The following STK3 variants were observed in gnomAD, a reference collection of about 807,000 sequenced individuals.
STK3 encodes serine/threonine kinase 3.
A neutral mutation model predicts 58.0 loss-of-function variants in STK3; 41 were observed. That is an observed-to-expected ratio of 0.71 (90% CI 0.55 to 0.92). The LOEUF (loss-of-function observed/expected upper bound fraction) is 0.92, where lower values mean the gene tolerates loss of function less well. STK3 is among the 40% of genes least tolerant of loss of function. The pLI is 0.00. For synonymous variants in STK3, 170 were observed against 191.0 expected, an observed-to-expected ratio of 0.89 and a Z score of 0.91; for missense variants, 479 against 602.7, an observed-to-expected ratio of 0.79 and a Z score of 2.15.
At chr8:98,443,719 G>A (rs376117653) in intron 1 of STK3, among the ~76,000 whole-genome samples, 23 of 152,210 alleles carry the variant, frequency 1.5e-4, no homozygotes, top group Middle Eastern at 3.4e-3. Context: ...ATGGTGGCAC[G>A]TGCCTGTAAT....
chr8:98,479,848 C>T (rs1172858772), intron 10 of STK3, among the ~76,000 whole-genome samples: 2 of 152,098 alleles, frequency 1.3e-5, no homozygotes, highest in East Asian at 1.9e-4. Context: ...AGAAGACATG[C>T]TCATTATGGA....
At chr8:98,887,851 C>G (rs1002350565) in intron 1 of STK3, among the ~76,000 whole-genome samples, 2 of 152,200 alleles carry the variant, frequency 1.3e-5, no homozygotes, top group African/African-American at 4.8e-5. Context: ...TACCACAAAG[C>G]CAAGCAGCTA....
intron 3 of STK3, among the ~76,000 whole-genome samples, chr8:98,415,966 A>G (rs1320834932): frequency 6.6e-6 from 1 of 152,004 alleles, no homozygotes. Flanking sequence ...GGTCCCAGAG[A>G]CTCTAGGGCA....
chr8:98,596,952 T>C (rs1216727260), intron 6 of STK3, among the ~76,000 whole-genome samples: 1 of 152,074 alleles, frequency 6.6e-6, no homozygotes. Flanking sequence ...GGGGTTAATG[T>C]AGATGTCCCA....
At chr8:98,794,875 C>T (rs1001217549) in intron 1 of STK3, among the ~76,000 whole-genome samples, 1 of 151,416 alleles carries the variant, frequency 6.6e-6, no homozygotes, top group African/African-American at 2.4e-5. Flanking sequence ...CGAGACCAGC[C>T]TGACCAACAT....
upstream of STK3, among the ~76,000 whole-genome samples, chr8:98,829,641 T>A (rs1835453041): frequency 6.6e-6 from 1 of 152,228 alleles, no homozygotes; most frequent in African/African-American, 2.4e-5. Context: ...TACCCTAGGA[T>A]AAACAGAATG....
At chr8:98,819,325 G>T (rs1036077056) in intron 1 of STK3, among the ~76,000 whole-genome samples, 5 of 151,966 alleles carry the variant, frequency 3.3e-5, no homozygotes, top group African/African-American at 1.2e-4. Context: ...AGTAATATAT[G>T]ATGGCCTGAA....
At chr8:98,442,336 T>C (rs1818729212) in intron 1 of STK3, among the ~76,000 whole-genome samples, 2 of 152,290 alleles carry the variant, frequency 1.3e-5, no homozygotes, top group East Asian at 1.9e-4. Context: ...TACAGGTCTA[T>C]GTCTGGTCGA....
intron 10 of STK3, among the ~76,000 whole-genome samples, chr8:98,514,754 A>C (rs934860821): frequency 1.3e-5 from 2 of 152,040 alleles, no homozygotes; most frequent in African/African-American, 2.4e-5. Context: ...TTGATCTCAT[A>C]TACTTTTTTC....
At chr8:98,675,039 C>G (rs549651296) in intron 6 of STK3, among the ~76,000 whole-genome samples, 3 of 152,228 alleles carry the variant, frequency 2.0e-5, no homozygotes, top group Admixed American at 2.0e-4. Flanking sequence ...TGCATGTAGC[C>G]TTCACTGTTT....
At chr8:98,655,426 C>G (rs867723486) in intron 6 of STK3, among the ~76,000 whole-genome samples, 7 of 152,280 alleles carry the variant, frequency 4.6e-5, no homozygotes, top group African/African-American at 1.4e-4. Context: ...TAGGCATGGG[C>G]AAGGACTTCA....
intron 3 of STK3, among the ~76,000 whole-genome samples, chr8:98,750,177 G>T (rs1829883991): frequency 6.6e-6 from 1 of 152,108 alleles, no homozygotes; most frequent in Non-Finnish European, 1.5e-5. Flanking sequence ...AATAACATTG[G>T]AATCATCCAA....
At chr8:98,638,936 A>T (rs1342669043) in intron 6 of STK3, among the ~76,000 whole-genome samples, 2 of 152,196 alleles carry the variant, frequency 1.3e-5, no homozygotes, top group Non-Finnish European at 2.9e-5. Context: ...GACAAGGGCA[A>T]ATATAGTAAA....
intron 6 of STK3, among the ~76,000 whole-genome samples, chr8:98,639,343 G>T (rs1587119747): frequency 6.6e-6 from 1 of 152,160 alleles, no homozygotes; most frequent in East Asian, 1.9e-4. Context: ...AAATTCCTGG[G>T]CTCAAGCAAT....
chr8:98,634,132 A>T (rs4509292), intron 6 of STK3, among the ~76,000 whole-genome samples: 42,611 of 152,022 alleles, frequency 0.28, 6,277 homozygotes, highest in East Asian at 0.41. Context: ...TTGAATCAGC[A>T]CAGTGGCAGT....
intron 1 of STK3, among the ~76,000 whole-genome samples, chr8:98,925,817 G>A (rs1839765817): frequency 6.6e-6 from 1 of 152,202 alleles, no homozygotes; most frequent in Non-Finnish European, 1.5e-5. Flanking sequence ...GCAACAATAA[G>A]ATGGAAATGT....
intron 9 of STK3, among the ~76,000 whole-genome samples, chr8:98,527,677 T>C (rs187582630): frequency 2.8e-4 from 42 of 152,110 alleles, no homozygotes; most frequent in Non-Finnish European, 4.6e-4. Flanking sequence ...AAAAAAATCA[T>C]AAGAACTTAC....
chr8:98,806,602 T>C (rs1413265330), intron 1 of STK3, among the ~76,000 whole-genome samples: 1 of 152,196 alleles, frequency 6.6e-6, no homozygotes. Context: ...CCTGTGTTAA[T>C]GGAGCCTGTT....
intron 6 of STK3, among the ~76,000 whole-genome samples, chr8:98,642,152 A>C (rs1820071513): frequency 1.3e-5 from 2 of 152,184 alleles, no homozygotes; most frequent in African/African-American, 4.8e-5. Flanking sequence ...GTTCTCATTC[A>C]TATGTGAGAG....
Sources: gnomAD v4.1 joint callset for allele counts (sites outside exome capture counted in the v4.1 genomes callset) on GRCh38, gnomAD v4.1.1 for gene constraint, MANE v1.5 for transcripts, NCBI Gene and HGNC (gene_info 2026-07-23, HGNC 2026-07-21) for gene names.